The following PDE10A variants were observed in gnomAD, a reference collection of about 807,000 sequenced individuals.
The protein encoded by PDE10A is cAMP and cAMP-inhibited cGMP 3',5'-cyclic phosphodiesterase 10A.
A neutral mutation model predicts 97.7 loss-of-function variants in PDE10A; 39 were observed. That is an observed-to-expected ratio of 0.40 (90% CI 0.31 to 0.52). PDE10A has a LOEUF of 0.52. Ranked by LOEUF, PDE10A falls within the 20% of genes least tolerant of loss-of-function variation. PDE10A has a pLI of 0.56. For synonymous variants in PDE10A, 371 were observed against 376.8 expected, an observed-to-expected ratio of 0.98 and a Z score of 0.18; for missense variants, 731 against 1,047.8, an observed-to-expected ratio of 0.70 and a Z score of 4.17.
At chr6:165,843,034 A>G (rs1030992474) in intron 1 of PDE10A, among the ~76,000 whole-genome samples, 3 of 152,204 alleles carry the variant, frequency 2.0e-5, no homozygotes, top group Admixed American at 6.5e-5. Flanking sequence ...AGAGGTGAAG[A>G]AGGCCGTAGC....
At chr6:165,712,622 A>ACTTT (rs1301087566) in intron 1 of PDE10A, among the ~76,000 whole-genome samples, 2 of 140,664 alleles carry the variant, frequency 1.4e-5, no homozygotes. Context: ...GAACGTTTCA[A>ACTTT]CTTTCTTTCT....
chr6:165,520,734 A>G (rs965950193), intron 2 of PDE10A, among the ~76,000 whole-genome samples: 1 of 152,168 alleles, frequency 6.6e-6, no homozygotes, highest in Non-Finnish European at 1.5e-5. Flanking sequence ...ACATTAACTG[A>G]GTTACTAGTT....
At chr6:165,887,933 C>A (rs1781672623) in intron 1 of PDE10A, among the ~76,000 whole-genome samples, 2 of 152,194 alleles carry the variant, frequency 1.3e-5, no homozygotes, top group African/African-American at 4.8e-5. Context: ...TGGGCCCTAC[C>A]TGATCTGCCT....
chr6:165,809,445 C>T (rs1779221881), intron 1 of PDE10A, among the ~76,000 whole-genome samples: 2 of 152,226 alleles, frequency 1.3e-5, no homozygotes, highest in South Asian at 4.1e-4. Flanking sequence ...TCCCTCCACT[C>T]AGCATGCTTT....
In PDE10A at chr6:165,663,117, G is replaced by A. The variant is rs1006753218; in HGVS notation, c.-306C>T. 6.6e-6 allele frequency among the ~76,000 whole-genome samples: 1 copy of A among 151,766 alleles called. No homozygotes were observed. The highest frequency in any genetic ancestry group is 1.5e-5 in the Non-Finnish European group (1 of 67,886). On this transcript the variant is annotated 5_prime_UTR_variant, in exon 1 of 22. In the 5' UTR this introduces an upstream ATG that the reference lacks. Coordinates refer to ENST00000539869, the MANE Select transcript of PDE10A (RefSeq NM_001385079.1). ...GACGGCGGAGACCCTCCCTGCAGGC[G>A]TGGCGTGGTGTGTGCGCGCTCCGGC...
At chr6:165,839,098 C>A (rs748362896) in intron 1 of PDE10A, among the ~76,000 whole-genome samples, 2 of 152,170 alleles carry the variant, frequency 1.3e-5, no homozygotes, top group Non-Finnish European at 1.5e-5. Context: ...CTAAAAAGTC[C>A]AGAAACTCTT....
chr6:165,709,422 C>T (rs568905866), intron 1 of PDE10A, among the ~76,000 whole-genome samples: 1 of 145,286 alleles, frequency 6.9e-6, no homozygotes, highest in Non-Finnish European at 1.5e-5. Context: ...TCTCCACCCC[C>T]ATGTTGTCAT....
At chr6:165,724,609 G>A (rs2128449327) in intron 1 of PDE10A, among the ~76,000 whole-genome samples, 1 of 152,242 alleles carries the variant, frequency 6.6e-6, no homozygotes, top group South Asian at 2.1e-4. Context: ...TCTTTTATCA[G>A]GCCTACCAGG....
At chr6:165,924,887 C>T (rs1171533891) in intron 1 of PDE10A, among the ~76,000 whole-genome samples, 1 of 152,118 alleles carries the variant, frequency 6.6e-6, no homozygotes, top group Non-Finnish European at 1.5e-5. Flanking sequence ...ACACCAAAGG[C>T]ATGAGTCATT....
intron 1 of PDE10A, among the ~76,000 whole-genome samples, chr6:165,633,500 T>C (rs1001956503): frequency 5.3e-5 from 8 of 152,154 alleles, no homozygotes; most frequent in African/African-American, 1.4e-4. Context: ...GATGGAATAA[T>C]TGAGGGGAAA....
intron 1 of PDE10A, among the ~76,000 whole-genome samples, chr6:165,578,260 A>AT (rs10716590): frequency 1.3e-5 from 2 of 150,088 alleles, no homozygotes; most frequent in African/African-American, 4.9e-5. Flanking sequence ...TTTTGTTTGA[A>AT]TTTTTTTTTT....
intron 1 of PDE10A, among the ~76,000 whole-genome samples, chr6:165,776,529 G>A (rs1778189387): frequency 6.6e-6 from 1 of 152,118 alleles, no homozygotes; most frequent in African/African-American, 2.4e-5. Context: ...TGCATATGCC[G>A]ATCATTAGCA....
intron 1 of PDE10A, chr6:165,940,000 G>A: frequency 6.6e-6 from 1 of 152,364 alleles, no homozygotes; most frequent in Non-Finnish European, 1.5e-5. Flanking sequence ...CAGCAGAAGA[G>A]GTCATAGGAC....
rs138655001 is a variant in PDE10A, at chr6:165,485,883, C to T, written c.995-3540G>A. ...TGCAGGGATTACAGGCGTGAGCTAC[C>T]GCGCCCGGCGGAGAGCATCACTCTT... is the stretch of plus-strand genomic sequence containing the variant. On this transcript the variant is annotated intron_variant, in intron 2 of 21. Transcript: ENST00000539869. Among the ~76,000 whole-genome samples the T allele has an allele frequency of 3.9e-5, 6 of 152,268 alleles. No individual in the cohort carries two copies. The East Asian group carries it at 7.7e-4, about 20-fold the overall frequency.
chr6:165,576,383 C>G, intron 1 of PDE10A: 1 of 780,562 alleles, frequency 1.3e-6, no homozygotes, highest in Non-Finnish European at 2.4e-6. Flanking sequence ...TTCTAAATTT[C>G]TTTTGCTGGC....
At chr6:165,392,879 A>G (rs568795946) in intron 15 of PDE10A, 83 bp from the exon 16 acceptor site, 64 of 1,215,788 alleles carry the variant, frequency 5.3e-5, no homozygotes, top group Non-Finnish European at 7.6e-5. Context: ...AGGTACATAT[A>G]TGTCTGTACC....
At chr6:165,538,529 T>C (rs1783235034) in intron 2 of PDE10A, among the ~76,000 whole-genome samples, 1 of 152,114 alleles carries the variant, frequency 6.6e-6, no homozygotes, top group African/African-American at 2.4e-5. Flanking sequence ...TTTTAAGAAA[T>C]TAATCCACTT....
At chr6:165,868,046 C>T (rs1781106469) in intron 1 of PDE10A, among the ~76,000 whole-genome samples, 1 of 151,972 alleles carries the variant, frequency 6.6e-6, no homozygotes, top group East Asian at 1.9e-4. Flanking sequence ...GGAAAATTTA[C>T]AGCAATAAAT....
At chr6:165,567,993 CATT>C (rs1230249775) in intron 1 of PDE10A, among the ~76,000 whole-genome samples, 2 of 115,600 alleles carry the variant, frequency 1.7e-5, no homozygotes, top group Admixed American at 1.0e-4. Context: ...CGCAACAAGG[CATT>C]TTTTTTTTTT....
Sources: allele counts gnomAD v4.1 joint callset (sites outside exome capture counted in the v4.1 genomes callset), GRCh38; gene constraint gnomAD v4.1.1; transcripts MANE v1.5; gene names NCBI Gene and HGNC (gene_info 2026-07-23, HGNC 2026-07-21).